Variants in EZH1 observed in about 807,000 individuals in gnomAD.
EZH1 encodes the protein histone-lysine N-methyltransferase EZH1.
A neutral mutation model predicts 100.5 loss-of-function variants in EZH1; 33 were observed. The ratio of observed to expected loss-of-function variants is 0.33; its 90% CI spans 0.25 to 0.44. EZH1 has a LOEUF of 0.44. Ranked by LOEUF, EZH1 falls within the 20% of genes least tolerant of loss-of-function variation. The pLI is 1.00. For synonymous variants in EZH1, 272 were observed against 313.8 expected, an observed-to-expected ratio of 0.87 and a Z score of 1.41; for missense variants, 475 against 928.4, an observed-to-expected ratio of 0.51 and a Z score of 6.35.
Position 42,740,900 on chromosome 17 carries a change from G to A in EZH1, c.-103+4111C>T, listed in dbSNP as rs572225349. Among the ~76,000 whole-genome samples, 6 of 152,336 alleles carry A rather than the reference G, an allele frequency of 3.9e-5. No homozygotes were observed. The East Asian group carries it at 1.2e-3, about 29-fold the overall frequency. Reference sequence around the variant, plus strand: ...AAGTAACTCATGACTTTAGGGTGTAGTGTACTCAAGTCTCAACTGATGATT... The same window carrying A: ...AAGTAACTCATGACTTTAGGGTGTAATGTACTCAAGTCTCAACTGATGATT... On this transcript the variant is annotated intron_variant, in intron 1 of 20. Transcript: ENST00000428826.
At chr17:42,727,798 T>C (rs1344698768) in intron 3 of EZH1, 35 bp from the exon 4 acceptor site, 28 of 1,396,696 alleles carry the variant, frequency 2.0e-5, no homozygotes, top group Non-Finnish European at 2.4e-5. Flanking sequence ...AGATATATTG[T>C]TATTTTATTA....
rs35232752 is a variant in EZH1 at position 42,733,032 on chromosome 17, C to CA, written c.-102-2115dup. On this transcript the variant is annotated intron_variant, in intron 1 of 20. Transcript: ENST00000428826. ...GCAACAAAGTGAGACACCATCTCTACAAAAAAAAAAAAAAAAAAGAAAAAG... is the reference window on the plus strand; with the variant it reads ...GCAACAAAGTGAGACACCATCTCTACAAAAAAAAAAAAAAAAAAAGAAAAAG... Among the ~76,000 whole-genome samples, 240 of 103,198 alleles carry CA rather than the reference C, an allele frequency of 2.3e-3. 1 individual carries two copies. Among genetic ancestry groups the CA allele is most frequent in the East Asian group, 0.011 (35 of 3,324 alleles). 67.7% of individuals were successfully genotyped at this position (103,198 alleles called of 152,430 possible).
At chr17:42,707,044 G>C (rs1463186541) in intron 15 of EZH1, among the ~76,000 whole-genome samples, 1 of 152,110 alleles carries the variant, frequency 6.6e-6, no homozygotes, top group Non-Finnish European at 1.5e-5. Context: ...TTTGAGTTGG[G>C]AAGGGCATGG....
intron 8 of EZH1, 96 bp downstream of exon 8, chr17:42,719,009 C>T (rs2053657020): frequency 2.2e-6 from 2 of 890,664 alleles, no homozygotes; most frequent in Admixed American, 2.0e-5. Flanking sequence ...AATGCCCTTA[C>T]CATAAACAAA....
At chr17:42,719,460 A>G (rs1318265404) in intron 7 of EZH1, among the ~76,000 whole-genome samples, 2 of 152,144 alleles carry the variant, frequency 1.3e-5, no homozygotes, top group Non-Finnish European at 2.9e-5. Context: ...TCTGGATGTG[A>G]GGTGGCTCAC....
At chr17:42,727,588 T>G in intron 4 of EZH1, 47 bp downstream of exon 4, 1 of 1,578,504 alleles carries the variant, frequency 6.3e-7, no homozygotes, top group Non-Finnish European at 8.6e-7. Flanking sequence ...GAAAAAGCTT[T>G]AAGCCCAAGG....
In EZH1 at chr17:42,718,659, C is replaced by A; in HGVS notation, c.768-42G>T. On this transcript the variant is annotated intron_variant, in intron 8 of 20. Coordinates refer to ENST00000428826, the MANE Select transcript of EZH1 (RefSeq NM_001991.5). The surrounding 1 kb of genome is among the most constrained non-coding windows in gnomAD (Gnocchi z 4.2). ...AGATAAGAGTTCCTCCGAGGAACTG[C>A]CTCCACTGAGGAAATACAGATTGGG... The A allele has an allele frequency of 6.3e-7, 1 of 1,598,302 alleles. No individual in the cohort carries two copies. The highest frequency in any genetic ancestry group is 1.1e-5 in the South Asian group (1 of 90,362).
At chr17:42,742,730 T>C (rs2054199250) in intron 1 of EZH1, among the ~76,000 whole-genome samples, 2 of 152,214 alleles carry the variant, frequency 1.3e-5, no homozygotes, top group Middle Eastern at 3.2e-3. Flanking sequence ...ATAAAACATA[T>C]ATCCCTGCCT....
chr17:42,705,951 G>A (rs2053345287), intron 16 of EZH1, 56 bp downstream of exon 16: 10 of 1,495,506 alleles, frequency 6.7e-6, no homozygotes, highest in South Asian at 2.7e-5. Context: ...GCTTGGGACC[G>A]TTCCTTCCTT....
chr17:42,719,084 A>G (rs779269431), intron 8 of EZH1, 21 bp downstream of exon 8: 1 of 1,590,392 alleles, frequency 6.3e-7, no homozygotes, highest in South Asian at 1.1e-5. Flanking sequence ...TATATGGCCT[A>G]AGTGGGACAG....
intron 10 of EZH1, among the ~76,000 whole-genome samples, chr17:42,716,717 G>A (rs1223969163): frequency 6.7e-6 from 1 of 149,406 alleles, no homozygotes; most frequent in South Asian, 2.1e-4. Flanking sequence ...TTTTTTTTTT[G>A]AGATGGAGTC....
rs1000128806 is a variant in EZH1, at chr17:42,703,017, A to T, written c.2099-56T>A. 9.7e-6 allele frequency: 15 copies of T among 1,541,206 alleles called. No homozygotes were observed. The South Asian group carries it at 1.7e-4, about 17-fold the overall frequency. ...CCTACCCAACTCCAAGTCAATAACCAGTAGGCTTCTGGGTTGATTTTCTCC... is the reference window on the plus strand; with the variant it reads ...CCTACCCAACTCCAAGTCAATAACCTGTAGGCTTCTGGGTTGATTTTCTCC... On this transcript the variant is annotated intron_variant, in intron 19 of 20. Coordinates refer to ENST00000428826, the MANE Select transcript of EZH1 (RefSeq NM_001991.5).
At chr17:42,705,313 A>G in intron 16 of EZH1, 130 bp from the exon 17 acceptor site, 1 of 570,174 alleles carries the variant, frequency 1.8e-6, no homozygotes, top group East Asian at 3.0e-5. Flanking sequence ...TGAAAGCAGA[A>G]AAAGGTCTAA....
At chr17:42,732,362 G>A (rs1487775571) in intron 1 of EZH1, among the ~76,000 whole-genome samples, 1 of 152,192 alleles carries the variant, frequency 6.6e-6, no homozygotes, top group African/African-American at 2.4e-5. Context: ...GCTGGGTGCA[G>A]TGGCTTACAT....
intron 12 of EZH1, among the ~76,000 whole-genome samples, chr17:42,710,958 T>TG (rs2053469077): frequency 6.6e-6 from 1 of 152,032 alleles, no homozygotes; most frequent in Non-Finnish European, 1.5e-5. Context: ...ACAGGAAGCA[T>TG]GAAGAAGAGG....
At chr17:42,744,931 C>T in intron 1 of EZH1, 80 bp downstream of exon 1, 1 of 1,237,088 alleles carries the variant, frequency 8.1e-7, no homozygotes, top group Non-Finnish European at 1.0e-6. Context: ...ATCCCTCCGC[C>T]TCTCCCTCCC....
chr17:42,718,336 T>C lies in EZH1; in HGVS notation c.931+118A>G. ...AGCAAGGGAAAATAGAACTGGCCCTTTGTAAAACGTTAGAACAGAAGCCAG... is the reference window on the plus strand; with the variant it reads ...AGCAAGGGAAAATAGAACTGGCCCTCTGTAAAACGTTAGAACAGAAGCCAG... On this transcript the variant is annotated intron_variant, in intron 9 of 20. Coordinates refer to ENST00000428826, the MANE Select transcript of EZH1 (RefSeq NM_001991.5). The surrounding 1 kb of genome is among the most constrained non-coding windows in gnomAD (Gnocchi z 4.2). The C allele has an allele frequency of 5.1e-6, 7 of 1,362,602 alleles. No homozygotes were observed. Among genetic ancestry groups the C allele is most frequent in the Non-Finnish European group, 7.0e-6 (7 of 1,006,622 alleles). 84.4% of individuals were successfully genotyped at this position (1,362,602 alleles called of 1,614,324 possible). A position where few individuals can be genotyped will look rare whatever the true frequency, so the allele number is the denominator to read the frequency against.
In EZH1 at chr17:42,718,345, G is replaced by A. The variant is rs1597840459; in HGVS notation, c.931+109C>T. ...AAATAGAACTGGCCCTTTGTAAAAC[G>A]TTAGAACAGAAGCCAGGAACTCTAT... is the stretch of plus-strand genomic sequence containing the variant. On this transcript the variant is annotated intron_variant, in intron 9 of 20. Coordinates refer to ENST00000428826, the MANE Select transcript of EZH1 (RefSeq NM_001991.5). The surrounding 1 kb of genome is among the most constrained non-coding windows in gnomAD (Gnocchi z 4.2). 2.8e-6 allele frequency: 4 copies of A among 1,423,882 alleles called. No homozygotes were observed. Among genetic ancestry groups the A allele is most frequent in the Admixed American group, 4.5e-5 (2 of 44,904 alleles). The allele number at this position is 1,423,882 out of a possible 1,614,324, so 88.2% of individuals were successfully genotyped here. A position where few individuals can be genotyped will look rare whatever the true frequency, so the allele number is the denominator to read the frequency against.
At chr17:42,705,762 C>G in intron 16 of EZH1, 1 of 329,004 alleles carries the variant, frequency 3.0e-6, no homozygotes, top group Non-Finnish European at 5.5e-6. Context: ...TCATGATCCG[C>G]TGGCCTCGGC....
Sources: allele counts gnomAD v4.1 joint callset (sites outside exome capture counted in the v4.1 genomes callset), GRCh38; gene constraint gnomAD v4.1.1; non-coding constraint Gnocchi (gnomAD v3.1); transcripts MANE v1.5; gene names NCBI Gene and HGNC (gene_info 2026-07-23, HGNC 2026-07-21).